Variants in CDK5RAP1 observed in about 807,000 individuals in gnomAD.
CDK5RAP1 encodes the protein CDK5RAP1 mitochondrial tRNA methylthiotransferase, also known as mitochondrial tRNA methylthiotransferase CDK5RAP1.
CDK5RAP1 carries 62 observed loss-of-function variants against 64.5 expected under a neutral mutation model. The ratio of observed to expected loss-of-function variants is 0.96; its 90% CI spans 0.78 to 1.19. The LOEUF (loss-of-function observed/expected upper bound fraction) is 1.19. Among genes scored for constraint, CDK5RAP1 ranks in the 50% most tolerant of loss-of-function variants. The pLI is 0.00. For missense variants in CDK5RAP1, 657 were observed against 735.0 expected (o/e 0.89, Z 1.23); for synonymous variants, 250 against 261.9 (o/e 0.95, Z 0.44).
Position 33,396,851 on chromosome 20 carries a change from C to A in CDK5RAP1, c.214G>T (p.Ala72Ser). 1.2e-6 allele frequency: 2 copies of A among 1,614,120 alleles called. No individual in the cohort carries two copies. The highest frequency in any genetic ancestry group is 1.7e-6 in the Non-Finnish European group (2 of 1,179,964). Residue 72 changes from alanine (A) to serine (S), a missense_variant, in exon 2 of 14, where the codon GCC becomes TCC. Ala to Ser is a moderately conservative substitution (Grantham distance 99). Coordinates refer to ENST00000346416, the MANE Select transcript of CDK5RAP1 (RefSeq NM_016408.4). ...GPTFQHFLKSASAPQEKLSSE... is the reference protein window; with the variant it reads ...GPTFQHFLKSSSAPQEKLSSE... ...GACAGCTTCTCCTGAGGAGCTGAGG[C>A]ACTTTTTAAAAAATGTTGAAAAGTC...
intron 5 of CDK5RAP1, among the ~76,000 whole-genome samples, chr20:33,388,789 T>G (rs1987846028): frequency 1.3e-5 from 2 of 152,008 alleles, no homozygotes; most frequent in African/African-American, 4.8e-5. Context: ...CACGCCTGAC[T>G]GGTTTTCGTA....
intron 5 of CDK5RAP1, 43 bp downstream of exon 5, chr20:33,392,098 AG>A: frequency 1.6e-6 from 2 of 1,221,750 alleles, no homozygotes; most frequent in South Asian, 2.5e-5. Context: ...AGCCACATAA[AG>A]TCCAAGTTTC....
At chr20:33,363,955 T>C (rs959825234) in intron 12 of CDK5RAP1, among the ~76,000 whole-genome samples, 2 of 151,830 alleles carry the variant, frequency 1.3e-5, no homozygotes, top group African/African-American at 4.8e-5. Context: ...TCAGGTTCCA[T>C]GATTTGAAAA....
intron 10 of CDK5RAP1, among the ~76,000 whole-genome samples, chr20:33,371,220 G>T (rs1236760902): frequency 1.3e-5 from 2 of 152,148 alleles, no homozygotes; most frequent in Non-Finnish European, 2.9e-5. Context: ...CTGAGCCCAG[G>T]GAGGTCAAGG....
rs1351526227 is a variant in CDK5RAP1, at chr20:33,379,885, C to T, written c.877-194G>A. Among the ~76,000 whole-genome samples, 4 of 152,050 alleles carry T rather than the reference C, an allele frequency of 2.6e-5. No individual in the cohort carries two copies. The East Asian group carries it at 5.8e-4, about 22-fold the overall frequency. ...AAGCTTAGACATCTTACCTAAAGAGCTAAACCTAATAAAGCCTTATATAAA... is the reference window on the plus strand; with the variant it reads ...AAGCTTAGACATCTTACCTAAAGAGTTAAACCTAATAAAGCCTTATATAAA... On this transcript the variant is annotated intron_variant, in intron 7 of 13. Transcript: ENST00000346416.
chr20:33,392,611 T>C (rs1410329905), intron 4 of CDK5RAP1, among the ~76,000 whole-genome samples: 1 of 152,088 alleles, frequency 6.6e-6, no homozygotes, highest in Non-Finnish European at 1.5e-5. Context: ...GTATCTGCCA[T>C]TCAGACTTAC....
At chr20:33,372,979 C>T in intron 9 of CDK5RAP1, 1 of 250,718 alleles carries the variant, frequency 4.0e-6, no homozygotes, top group East Asian at 9.4e-5. Flanking sequence ...ATGGCACAAT[C>T]TCGGTTCACT....
intron 9 of CDK5RAP1, chr20:33,373,010 C>A: frequency 4.4e-6 from 1 of 226,676 alleles, no homozygotes. Context: ...TTCCTGGGCT[C>A]AAGTGATCCT....
intron 12 of CDK5RAP1, among the ~76,000 whole-genome samples, chr20:33,363,815 G>A (rs1037860512): frequency 2.0e-5 from 3 of 152,060 alleles, no homozygotes; most frequent in Non-Finnish European, 4.4e-5. Context: ...GGAGGGTCGC[G>A]TGAGCCCAAG....
At chr20:33,368,459 ATTTT>A (rs35954744) in intron 11 of CDK5RAP1, among the ~76,000 whole-genome samples, 14 of 67,606 alleles carry the variant, frequency 2.1e-4, no homozygotes, top group African/African-American at 6.0e-4. Context: ...CTCTCGGCTA[ATTTT>A]TTTTTTTTTT....
In CDK5RAP1 at chr20:33,374,096, C is replaced by T. The variant is rs780239816; in HGVS notation, c.1205+19G>A. The T allele has an allele frequency of 5.1e-6, 8 of 1,568,596 alleles. No homozygotes were observed. Among genetic ancestry groups the T allele is most frequent in the Non-Finnish European group, 7.0e-6 (8 of 1,139,090 alleles). On this transcript the variant is annotated intron_variant, in intron 9 of 13. Transcript: ENST00000346416. ...AACATGGAAAAGTGAGGGATGCCCCCTCTCCAAGCAAGCCTGACCCCCTCC... is the reference window on the plus strand; with the variant it reads ...AACATGGAAAAGTGAGGGATGCCCCTTCTCCAAGCAAGCCTGACCCCCTCC...
chr20:33,369,247 G>A (rs963417479), intron 11 of CDK5RAP1, among the ~76,000 whole-genome samples: 2 of 152,294 alleles, frequency 1.3e-5, no homozygotes, highest in African/African-American at 4.8e-5. Flanking sequence ...ACTTTGGGAG[G>A]CCGAGGCGGG....
Position 33,370,492 on chromosome 20 carries a change from G to A in CDK5RAP1, c.1392+7C>T, listed in dbSNP as rs1600722174. 1 of 1,613,906 alleles carries A rather than the reference G, an allele frequency of 6.2e-7. No homozygotes were observed. The highest frequency in any genetic ancestry group is 8.5e-7 in the Non-Finnish European group (1 of 1,179,962). On this transcript the variant is annotated splice_region_variant and intron_variant, in intron 11 of 13. Transcript: ENST00000346416. ...TGATGTCAGTCCTCCCCAACCCCAG[G>A]GCTCACCTGTCTCATGCTGTAGGCA...
intron 7 of CDK5RAP1, among the ~76,000 whole-genome samples, chr20:33,383,284 T>C (rs1986993957): frequency 6.6e-6 from 1 of 151,938 alleles, no homozygotes; most frequent in Non-Finnish European, 1.5e-5. Context: ...AACAACATGC[T>C]CTACTTTGAA....
At position 33,395,122 on chromosome 20, in the gene CDK5RAP1, G is replaced by C. The variant is rs1162028630; in HGVS notation, c.305-6C>G. ...GCCATAGGTCTCGAGGTAGACTGCA[G>C]TGAGAGGTTGGGGGGAATCCATGGT... On this transcript the variant is annotated splice_region_variant and splice_polypyrimidine_tract_variant and intron_variant, in intron 2 of 13. Transcript: ENST00000346416. 6.4e-7 allele frequency: 1 copy of C among 1,562,704 alleles called. No homozygotes were observed. The highest frequency in any genetic ancestry group is 1.1e-5 in the South Asian group (1 of 90,048).
At chr20:33,386,775 TA>T (rs11481511) in intron 6 of CDK5RAP1, among the ~76,000 whole-genome samples, 152 of 139,262 alleles carry the variant, frequency 1.1e-3, no homozygotes, top group South Asian at 1.6e-3. Context: ...AACTTTTCTG[TA>T]AAAAAAAAAA....
intron 3 of CDK5RAP1, among the ~76,000 whole-genome samples, chr20:33,394,751 G>T (rs573077501): frequency 7.2e-5 from 11 of 152,198 alleles, no homozygotes; most frequent in African/African-American, 2.6e-4. Context: ...CTAAAACCCT[G>T]TACTCGTTAA....
At chr20:33,368,453 C>T (rs113109157) in intron 11 of CDK5RAP1, among the ~76,000 whole-genome samples, 6,461 of 129,684 alleles carry the variant, frequency 0.05, 433 homozygotes, top group Admixed American at 0.18. Context: ...CCACCACTCT[C>T]GGCTAATTTT....
chr20:33,364,528 A>G (rs1162103190), intron 12 of CDK5RAP1, among the ~76,000 whole-genome samples: 1 of 151,922 alleles, frequency 6.6e-6, no homozygotes, highest in Non-Finnish European at 1.5e-5. Flanking sequence ...ACCCACCAGG[A>G]GCAGTGGAAA....
Sources: allele counts gnomAD v4.1 joint callset (sites outside exome capture counted in the v4.1 genomes callset), GRCh38; gene constraint gnomAD v4.1.1; transcripts MANE v1.5; gene names NCBI Gene and HGNC (gene_info 2026-07-23, HGNC 2026-07-21).